Variants in RFC3 observed in about 807,000 individuals in gnomAD.
The protein encoded by RFC3 is A1 38 kDa subunit.
A neutral mutation model predicts 45.1 loss-of-function variants in RFC3; 41 were observed. The observed-to-expected ratio is 0.91, with a 90% confidence interval of 0.71 to 1.18. RFC3 has a LOEUF of 1.18. Ranked by LOEUF, RFC3 falls within the 50% of genes most tolerant of loss-of-function variation. RFC3 has a pLI of 0.00. For synonymous variants in RFC3, 149 were observed against 144.0 expected, an observed-to-expected ratio of 1.03 and a Z score of -0.25; for missense variants, 423 against 428.1, an observed-to-expected ratio of 0.99 and a Z score of 0.10.
intron 8 of RFC3, among the ~76,000 whole-genome samples, chr13:33,944,195 A>G (rs1426083150): frequency 2.0e-5 from 3 of 152,186 alleles, no homozygotes; most frequent in Non-Finnish European, 4.4e-5. Flanking sequence ...TGAACTCTCT[A>G]TATAAACTAC....
At chr13:33,829,486 G>A (rs199737391) in intron 4 of RFC3, 2 of 230,168 alleles carry the variant, frequency 8.7e-6, no homozygotes, top group East Asian at 2.7e-4. Flanking sequence ...ACTTCATTTA[G>A]CCTAGTGTTT....
chr13:33,831,161 G>A (rs1221626997), intron 6 of RFC3, 95 bp from the exon 7 acceptor site: 6 of 763,786 alleles, frequency 7.9e-6, no homozygotes, highest in East Asian at 2.6e-5. Flanking sequence ...TGTGCAGCCC[G>A]GTTCCTAACC....
chr13:33,825,228 T>G lies in RFC3; in HGVS notation c.294-561T>G, dbSNP rs563730911. On this transcript the variant is annotated intron_variant, in intron 3 of 8. Transcript: ENST00000380071. ...GTAAATGACAGCTCAATACCTATAA[T>G]AAGTCATCAGTTTACGGAGTTTTGA... Among the ~76,000 whole-genome samples, 4 of 152,300 alleles carry G rather than the reference T, an allele frequency of 2.6e-5. No individual in the cohort carries two copies. The South Asian group carries it at 6.2e-4, about 24-fold the overall frequency.
At chr13:33,824,097 A>T (rs2082027958) in intron 3 of RFC3, 113 bp downstream of exon 3, 1 of 570,568 alleles carries the variant, frequency 1.8e-6, no homozygotes, top group Admixed American at 3.5e-5. Context: ...GTGGAAGCAC[A>T]GTTTATAAAA....
Position 33,837,035 on chromosome 13 carries a change from C to A in RFC3, c.*740C>A, listed in dbSNP as rs1316403693. 2 of 984,540 alleles carry A rather than the reference C, an allele frequency of 2.0e-6. No homozygotes were observed. Among genetic ancestry groups the A allele is most frequent in the Non-Finnish European group, 2.4e-6 (2 of 829,354 alleles). 61.0% of individuals were successfully genotyped at this position (984,540 alleles called of 1,614,324 possible). On this transcript the variant is annotated 3_prime_UTR_variant, in exon 9 of 9. Coordinates refer to ENST00000380071, the MANE Select transcript of RFC3 (RefSeq NM_002915.4). ...TTAATTAAATATTTTGGTTCATGGA[C>A]CAAAGGGTTTACTTGACAAATTTGT...
At chr13:33,892,410 A>G in intron 8 of RFC3, among the ~76,000 whole-genome samples, 1 of 152,208 alleles carries the variant, frequency 6.6e-6, no homozygotes, top group Admixed American at 6.5e-5. Flanking sequence ...TCAGCCTGAA[A>G]ACATCTTATA....
intron 8 of RFC3, among the ~76,000 whole-genome samples, chr13:33,920,920 A>G (rs1422194811): frequency 6.6e-6 from 1 of 152,150 alleles, no homozygotes; most frequent in African/African-American, 2.4e-5. Flanking sequence ...TATTTTAATT[A>G]AAGTGAATAT....
intron 8 of RFC3, among the ~76,000 whole-genome samples, chr13:33,890,170 A>G (rs1418158304): frequency 1.3e-5 from 2 of 152,130 alleles, no homozygotes; most frequent in African/African-American, 4.8e-5. Flanking sequence ...TGGGGTGGGT[A>G]GGGTCCCAGC....
At chr13:33,949,323 G>A (rs577315880) in intron 8 of RFC3, among the ~76,000 whole-genome samples, 5 of 152,190 alleles carry the variant, frequency 3.3e-5, no homozygotes, top group South Asian at 2.1e-4. Flanking sequence ...TCAGTGATGC[G>A]GAACTGTGAG....
intron 8 of RFC3, among the ~76,000 whole-genome samples, chr13:33,899,204 C>CAAAAAAAAAAAAAAAAAAAAAAAAGA (rs2082622004): frequency 1.9e-5 from 1 of 51,970 alleles, no homozygotes; most frequent in Non-Finnish European, 3.6e-5. Context: ...CACAATAAGA[C>CAAAAAAAAAAAAAAAAAAAAAAAAGA]AAAAAAAAAA....
At chr13:33,959,756 C>G (rs1187899854) in intron 8 of RFC3, among the ~76,000 whole-genome samples, 1 of 152,144 alleles carries the variant, frequency 6.6e-6, no homozygotes, top group African/African-American at 2.4e-5. Context: ...CACCCATTTC[C>G]TGTTTTTTGT....
At chr13:33,959,395 T>C (rs2083042060) in intron 8 of RFC3, among the ~76,000 whole-genome samples, 1 of 152,194 alleles carries the variant, frequency 6.6e-6, no homozygotes, top group South Asian at 2.1e-4. Flanking sequence ...AAGGCCCCTG[T>C]GACCTAGACA....
At chr13:33,886,049 G>A (rs1041748966) in intron 8 of RFC3, among the ~76,000 whole-genome samples, 2 of 151,684 alleles carry the variant, frequency 1.3e-5, no homozygotes, top group East Asian at 3.9e-4. Flanking sequence ...AGACATTCAA[G>A]GAGAGTCTTC....
chr13:33,838,950 G>A (rs1039358080), downstream of RFC3, among the ~76,000 whole-genome samples: 4 of 151,828 alleles, frequency 2.6e-5, no homozygotes, highest in African/African-American at 2.4e-5. Context: ...TGTCTCCACC[G>A]CATTGTGCAA....
chr13:33,924,727 G>GTGTGTA (rs781404180), intron 8 of RFC3, among the ~76,000 whole-genome samples: 1 of 89,298 alleles, frequency 1.1e-5, no homozygotes, highest in Admixed American at 1.4e-4. Flanking sequence ...GTGTGTGTGT[G>GTGTGTA]TATATATATA....
intron 8 of RFC3, among the ~76,000 whole-genome samples, chr13:33,937,516 G>A (rs2082894666): frequency 6.6e-6 from 1 of 152,116 alleles, no homozygotes; most frequent in African/African-American, 2.4e-5. Context: ...TTAATTGCTT[G>A]AGGTCACCTA....
intron 8 of RFC3, among the ~76,000 whole-genome samples, chr13:33,851,922 C>G (rs1323823556): frequency 6.6e-6 from 1 of 152,060 alleles, no homozygotes; most frequent in Non-Finnish European, 1.5e-5. Flanking sequence ...AAGTTGAAGA[C>G]TGAATTTTAA....
intron 8 of RFC3, among the ~76,000 whole-genome samples, chr13:33,964,636 A>G (rs1003795696): frequency 1.3e-5 from 2 of 152,194 alleles, no homozygotes; most frequent in African/African-American, 4.8e-5. Flanking sequence ...ACAATCTTTT[A>G]CATTTTTACC....
At position 33,836,315 on chromosome 13, in the gene RFC3, C is replaced by G. The variant is rs746988113; in HGVS notation, c.*20C>G. ...TTCTGACTTCTGTCAGTTATTCTTG[C>G]AAAGATTTCTCAGTATCAGTATTTA... On this transcript the variant is annotated 3_prime_UTR_variant, in exon 9 of 9. Transcript: ENST00000380071. 1.2e-6 allele frequency: 2 copies of G among 1,609,190 alleles called. No homozygotes were observed. Among genetic ancestry groups the G allele is most frequent in the Admixed American group, 1.7e-5 (1 of 59,888 alleles).
Sources: allele counts gnomAD v4.1 joint callset (sites outside exome capture counted in the v4.1 genomes callset), GRCh38; gene constraint gnomAD v4.1.1; transcripts MANE v1.5; gene names NCBI Gene and HGNC (gene_info 2026-07-23, HGNC 2026-07-21).